Variants in CNGB1 observed in about 807,000 individuals in gnomAD.
CNGB1 encodes cyclic nucleotide-gated channel beta-1.
Under a neutral mutation model 151.7 loss-of-function variants are expected in CNGB1, and 126 were observed. The ratio of observed to expected loss-of-function variants is 0.83; its 90% confidence interval spans 0.72 to 0.96. The LOEUF (loss-of-function observed/expected upper bound fraction) is 0.96. CNGB1 is among the 40% of genes least tolerant of loss of function. The probability of loss-of-function intolerance (pLI) is 0.00; values close to 1 mark genes in which losing one functional copy is unlikely to be tolerated. For synonymous variants in CNGB1, 623 were observed against 635.1 expected (o/e 0.98, Z 0.29); for missense variants, 1,698 against 1,627.0 (o/e 1.04, Z -0.75).
At chr16:57,927,846 A>T (rs887504744) in intron 17 of CNGB1, among the ~76,000 whole-genome samples, 2 of 152,238 alleles carry the variant, frequency 1.3e-5, no homozygotes, top group Admixed American at 1.3e-4. Flanking sequence ...GGATCCCCTA[A>T]TGGGCTTTGT....
At chr16:57,946,180 C>T (rs894973342) in intron 14 of CNGB1, among the ~76,000 whole-genome samples, 2 of 152,176 alleles carry the variant, frequency 1.3e-5, no homozygotes, top group African/African-American at 2.4e-5. Context: ...AGACACCCTC[C>T]GGCTTTCCAA....
intron 20 of CNGB1, 60 bp from the exon 21 acceptor site, chr16:57,917,536 G>C: frequency 6.5e-7 from 1 of 1,544,884 alleles, no homozygotes; most frequent in Non-Finnish European, 8.9e-7. Flanking sequence ...TTCACCAGTT[G>C]GATCAGGTAG....
At chr16:57,887,211 C>T (rs762057527) in intron 32 of CNGB1, among the ~76,000 whole-genome samples, 4 of 152,096 alleles carry the variant, frequency 2.6e-5, no homozygotes, top group Non-Finnish European at 5.9e-5. Context: ...GTCACAGACA[C>T]AGTATTAAAT....
At position 57,884,448 on chromosome 16, in the gene CNGB1, A is replaced by G; in HGVS notation, c.3472T>C (p.Ser1158Pro). The G allele has an allele frequency of 6.2e-7, 1 of 1,613,208 alleles. No individual in the cohort carries two copies. Among genetic ancestry groups the G allele is most frequent in the South Asian group, 1.1e-5 (1 of 91,038 alleles). Residue 1158 changes from serine (S) to proline (P), a missense_variant, in exon 33 of 33, where the codon TCG (serine) becomes CCG (proline). Ser to Pro is a moderately conservative substitution (Grantham distance 74, BLOSUM62 -1). Transcript: ENST00000251102. ...CCTTCCTCTCCCTTGACGTCTTGCG[A>G]GCTCTTGGCCTGGAATCCAGAAAGG... is the stretch of plus-strand genomic sequence containing the variant. ...QQELVEQAKS[S>P]QDVKGEEGSA...
chr16:57,958,580 T>C, intron 10 of CNGB1, 95 bp from the exon 11 acceptor site: 1 of 1,151,960 alleles, frequency 8.7e-7, no homozygotes, highest in East Asian at 2.4e-5. Context: ...AAAACAAGCC[T>C]GCCAAAAGGC....
chr16:57,957,224 C>A, intron 12 of CNGB1, 117 bp downstream of exon 12: 1 of 968,832 alleles, frequency 1.0e-6, no homozygotes, highest in Admixed American at 1.8e-5. Flanking sequence ...TAACTGCCCC[C>A]CTGTGTGAGT....
At chr16:57,902,102 G>T (rs549051063) in intron 27 of CNGB1, among the ~76,000 whole-genome samples, 1 of 151,826 alleles carries the variant, frequency 6.6e-6, no homozygotes, top group Admixed American at 6.6e-5. Flanking sequence ...AGACAGTCTC[G>T]CTCTGTCACC....
intron 1 of CNGB1, among the ~76,000 whole-genome samples, chr16:57,969,657 G>A (rs186401168): frequency 6.6e-6 from 1 of 152,270 alleles, no homozygotes; most frequent in East Asian, 1.9e-4. Flanking sequence ...AAGAAAGAAA[G>A]AAAAAGATAA....
chr16:57,925,818 G>T (rs921628017), intron 17 of CNGB1, among the ~76,000 whole-genome samples: 4 of 152,120 alleles, frequency 2.6e-5, no homozygotes, highest in Admixed American at 1.3e-4. Context: ...CTCTTGAGTA[G>T]CTGAGATTAC....
intron 20 of CNGB1, among the ~76,000 whole-genome samples, chr16:57,918,148 C>T (rs114380729): frequency 0.013 from 1,194 of 92,254 alleles, 13 homozygotes; most frequent in African/African-American, 0.051. Context: ...TATTTATTTA[C>T]TATTTTTGTA....
intron 12 of CNGB1, among the ~76,000 whole-genome samples, chr16:57,952,962 G>A (rs988201840): frequency 6.6e-6 from 1 of 152,204 alleles, no homozygotes; most frequent in African/African-American, 2.4e-5. Context: ...CCCCAGGGCA[G>A]GCCCCCAGGA....
chr16:57,937,513 A>G (rs1961545672), intron 16 of CNGB1, among the ~76,000 whole-genome samples: 2 of 152,184 alleles, frequency 1.3e-5, no homozygotes, highest in African/African-American at 4.8e-5. Flanking sequence ...CTAATGTGTC[A>G]TCAGGTCATG....
intron 25 of CNGB1, 92 bp from the exon 26 acceptor site, chr16:57,904,967 G>A: frequency 1.3e-6 from 2 of 1,513,044 alleles, no homozygotes; most frequent in Non-Finnish European, 1.8e-6. Flanking sequence ...ATAGATGCAT[G>A]TTGTGCAAAA....
At chr16:57,916,279 G>A (rs1232254062) in intron 21 of CNGB1, 100 bp from the exon 22 acceptor site, 9 of 1,128,546 alleles carry the variant, frequency 8.0e-6, no homozygotes, top group Middle Eastern at 1.9e-4. Context: ...ACCCTGAAAC[G>A]AGCATAACAG....
intron 1 of CNGB1, among the ~76,000 whole-genome samples, chr16:57,970,144 G>C (rs1487132334): frequency 6.6e-6 from 1 of 152,180 alleles, no homozygotes; most frequent in African/African-American, 2.4e-5. Flanking sequence ...CCCTGGCTCA[G>C]CCTCCCAAAA....
intron 31 of CNGB1, among the ~76,000 whole-genome samples, chr16:57,892,040 CA>C (rs1188335314): frequency 7.7e-6 from 1 of 130,190 alleles, no homozygotes; most frequent in East Asian, 2.2e-4. Context: ...CCATTTTAAA[CA>C]GTGCAATCGC....
In CNGB1 at chr16:57,917,253, C is replaced by A. The variant is rs1960893732; in HGVS notation, c.2166+15G>T. 3 of 1,607,892 alleles carry A rather than the reference C, an allele frequency of 1.9e-6. No individual in the cohort carries two copies. Among genetic ancestry groups the A allele is most frequent in the Non-Finnish European group, 2.5e-6 (3 of 1,176,962 alleles). ...CTGCCCCCGGTCACCCCAACACCAC[C>A]TGCCTGTGACTCACAATGATGTCCC... On this transcript the variant is annotated intron_variant, in intron 21 of 32. Coordinates refer to ENST00000251102, the MANE Select transcript of CNGB1 (RefSeq NM_001297.5).
At chr16:57,897,761 C>T (rs779871357) in intron 30 of CNGB1, 35 bp downstream of exon 30, 1 of 1,606,724 alleles carries the variant, frequency 6.2e-7, no homozygotes, top group Non-Finnish European at 8.5e-7. Flanking sequence ...CAGCCCTTGC[C>T]CCAGGCCCCT....
intron 8 of CNGB1, 70 bp from the exon 9 acceptor site, chr16:57,960,600 C>G: frequency 6.3e-7 from 1 of 1,583,384 alleles, no homozygotes; most frequent in Non-Finnish European, 8.6e-7. Flanking sequence ...CCGCCACTAC[C>G]AGCTGTGTCC....
Sources: allele counts gnomAD v4.1 joint callset (sites outside exome capture counted in the v4.1 genomes callset), GRCh38; gene constraint gnomAD v4.1.1; transcripts MANE v1.5; gene names NCBI Gene and HGNC (gene_info 2026-07-23, HGNC 2026-07-21).